Variants in ROBO2 observed in about 807,000 individuals in gnomAD.
ROBO2 encodes roundabout homolog 2.
A neutral mutation model predicts 160.8 loss-of-function variants in ROBO2; 53 were observed. The observed-to-expected ratio is 0.33, with a 90% CI of 0.26 to 0.41. The LOEUF is 0.41. Ranked by LOEUF, ROBO2 falls within the 10% of genes least tolerant of loss-of-function variation. The pLI is 1.00. For missense variants in ROBO2, 1,577 were observed against 1,722.4 expected (o/e 0.92, Z 1.49); for synonymous variants, 664 against 611.7 (o/e 1.09, Z -1.26).
chr3:77,049,291 C>T (rs1000090659), intron 1 of ROBO2, among the ~76,000 whole-genome samples: 1 of 152,146 alleles, frequency 6.6e-6, no homozygotes, highest in Non-Finnish European at 1.5e-5. Flanking sequence ...GATTACACCA[C>T]TGCACTTTTG....
At chr3:76,305,432 A>G (rs932699584) in intron 2 of ROBO2, among the ~76,000 whole-genome samples, 1 of 123,520 alleles carries the variant, frequency 8.1e-6, no homozygotes, top group African/African-American at 3.0e-5. Flanking sequence ...AAAGAACAGC[A>G]TTTGTTCTGA....
intron 2 of ROBO2, among the ~76,000 whole-genome samples, chr3:76,064,609 A>T (rs1183531098): frequency 3.9e-5 from 6 of 152,206 alleles, no homozygotes; most frequent in Admixed American, 2.6e-4. Context: ...TTTTCTAATA[A>T]TTACTTTTAT....
chr3:76,924,137 C>A (rs1001324899), intron 2 of ROBO2, among the ~76,000 whole-genome samples: 3 of 152,154 alleles, frequency 2.0e-5, no homozygotes, highest in Non-Finnish European at 4.4e-5. Flanking sequence ...ACATCAACTA[C>A]AATAGACCTA....
At chr3:75,915,404 G>A (rs1329645441) in intron 1 of ROBO2, among the ~76,000 whole-genome samples, 1 of 152,164 alleles carries the variant, frequency 6.6e-6, no homozygotes, top group African/African-American at 2.4e-5. Flanking sequence ...GTCTGTTGTT[G>A]TTAGTTGTGA....
chr3:76,374,346 T>C (rs1476184908), intron 2 of ROBO2, among the ~76,000 whole-genome samples: 2 of 152,004 alleles, frequency 1.3e-5, no homozygotes, highest in African/African-American at 4.8e-5. Flanking sequence ...TGAATCCCTT[T>C]CAAAAACCCA....
intron 2 of ROBO2, among the ~76,000 whole-genome samples, chr3:76,884,092 T>C (rs192425095): frequency 5.9e-5 from 9 of 152,348 alleles, no homozygotes; most frequent in African/African-American, 2.2e-4. Flanking sequence ...TTATGAATCA[T>C]CTAAGTAGCA....
At position 76,141,929 on chromosome 3, in the gene ROBO2, T is replaced by C. The variant is rs115416555; in HGVS notation, c.109+204327T>C. Among the ~76,000 whole-genome samples the C allele has an allele frequency of 1.7e-3, 258 of 152,090 alleles. 2 individuals carry two copies. The highest frequency in any genetic ancestry group is 5.9e-3 in the African/African-American group (243 of 41,502). ...CTCTAAAACTGTAACTATTCCATAG[T>C]AGGCACTAATGCACATTAGTTAAAT... On this transcript the variant is annotated intron_variant, in intron 2 of 26. Transcript: ENST00000487694.
chr3:77,096,452 C>CTTT (rs535870944), intron 1 of ROBO2, among the ~76,000 whole-genome samples: 14 of 142,912 alleles, frequency 9.8e-5, no homozygotes, highest in African/African-American at 3.6e-4. Context: ...TTTTCTTTTT[C>CTTT]TTTTTTTTTT....
intron 14 of ROBO2, among the ~76,000 whole-genome samples, chr3:77,575,473 A>C (rs1008848656): frequency 2.0e-5 from 3 of 152,134 alleles, no homozygotes; most frequent in Non-Finnish European, 4.4e-5. Flanking sequence ...CATACAAAAT[A>C]AGAGAAGCCT....
At chr3:76,160,884 T>C (rs1163192955) in intron 2 of ROBO2, among the ~76,000 whole-genome samples, 1 of 152,192 alleles carries the variant, frequency 6.6e-6, no homozygotes, top group African/African-American at 2.4e-5. Flanking sequence ...TTTTCATGAA[T>C]GTTTTCAAGA....
chr3:77,169,349 A>G (rs569600956), intron 2 of ROBO2, among the ~76,000 whole-genome samples: 2 of 152,286 alleles, frequency 1.3e-5, no homozygotes, highest in East Asian at 1.9e-4. Context: ...TTTGTCTTCA[A>G]ATTTGTCAAG....
At chr3:77,216,412 A>G (rs562287300) in intron 2 of ROBO2, among the ~76,000 whole-genome samples, 1 of 152,306 alleles carries the variant, frequency 6.6e-6, no homozygotes, top group African/African-American at 2.4e-5. Flanking sequence ...GCCGTTTACT[A>G]AGACCATTGG....
chr3:75,923,800 G>A (rs950012865), intron 1 of ROBO2, among the ~76,000 whole-genome samples: 27 of 152,222 alleles, frequency 1.8e-4, no homozygotes, highest in Non-Finnish European at 3.5e-4. Flanking sequence ...AGGCTTTCAG[G>A]AAGGAGTTTG....
At chr3:76,328,235 T>A (rs1336401270) in intron 2 of ROBO2, among the ~76,000 whole-genome samples, 3 of 152,190 alleles carry the variant, frequency 2.0e-5, no homozygotes, top group Non-Finnish European at 4.4e-5. Context: ...TATCTACATA[T>A]TCCCGTCCAA....
intron 2 of ROBO2, among the ~76,000 whole-genome samples, chr3:76,220,322 TATAATA>T (rs766595212): frequency 9.9e-5 from 15 of 151,130 alleles, no homozygotes; most frequent in Non-Finnish European, 1.5e-4. Flanking sequence ...AAACTTAAAG[TATAATA>T]ATAATAATAA....
At chr3:76,230,856 C>T (rs998227793) in intron 2 of ROBO2, among the ~76,000 whole-genome samples, 5 of 152,046 alleles carry the variant, frequency 3.3e-5, no homozygotes, top group Admixed American at 6.6e-5. Context: ...CCCCTAATTC[C>T]GGACTGGTGC....
At chr3:77,494,485 G>A (rs1400373638) in intron 5 of ROBO2, among the ~76,000 whole-genome samples, 3 of 152,136 alleles carry the variant, frequency 2.0e-5, no homozygotes, top group African/African-American at 7.2e-5. Context: ...GGCTGAGTCT[G>A]GAGAATTGCT....
rs1262905657 is a variant in ROBO2, at chr3:76,601,120, A to T, written c.110-496894A>T. The stretch of plus-strand genomic sequence containing the variant: ...TCTCACATCCAGGTCATGCTGATGC[A>T]AGAGGTGGGTTCCCATGGTCTTGGG... On this transcript the variant is annotated intron_variant, in intron 2 of 26. Transcript: ENST00000487694. Among the ~76,000 whole-genome samples the T allele has an allele frequency of 2.6e-5, 4 of 152,320 alleles. No individual in the cohort carries two copies. In the East Asian group the frequency reaches 7.7e-4, roughly 30 times the overall value.
At chr3:77,298,722 A>C (rs2062376267) in intron 2 of ROBO2, among the ~76,000 whole-genome samples, 1 of 152,202 alleles carries the variant, frequency 6.6e-6, no homozygotes, top group Admixed American at 6.5e-5. Flanking sequence ...AGATGAGTTT[A>C]AATTATTCTC....
Sources: gnomAD v4.1 joint callset for allele counts (sites outside exome capture counted in the v4.1 genomes callset) on GRCh38, gnomAD v4.1.1 for gene constraint, MANE v1.5 for transcripts, NCBI Gene and HGNC (gene_info 2026-07-23, HGNC 2026-07-21) for gene names.